The following CDH12 variants were observed in gnomAD, a reference collection of about 807,000 sequenced individuals.
CDH12 encodes the protein cadherin 12, also known as cadherin-12.
Under a neutral mutation model 74.1 loss-of-function variants are expected in CDH12, and 41 were observed. That is an observed-to-expected ratio of 0.55 (90% CI 0.43 to 0.72). CDH12 has a LOEUF of 0.72. Among genes scored for constraint, CDH12 ranks in the 30% least tolerant of loss-of-function variants. The pLI, the probability that CDH12 is intolerant of heterozygous loss-of-function variation, is 0.00. For synonymous variants in CDH12, 399 were observed against 355.0 expected, an observed-to-expected ratio of 1.12 and a Z score of -1.39; for missense variants, 945 against 977.2, an observed-to-expected ratio of 0.97 and a Z score of 0.44.
intron 2 of CDH12, among the ~76,000 whole-genome samples, chr5:22,479,463 T>C (rs1332902684): frequency 2.0e-5 from 3 of 152,176 alleles, no homozygotes; most frequent in African/African-American, 4.8e-5. Context: ...ATGCACTGCA[T>C]AAGAATGTCC....
At position 22,416,718 on chromosome 5, in the gene CDH12, C is replaced by A. The variant is rs866989096; in HGVS notation, c.-427-11367G>T. Reference sequence around the variant, plus strand: ...CCACCCAAAGTAGAAAGAAGCTTACCTTAAAAGGAATTGTAAGTGTGGTTT... The same window carrying A: ...CCACCCAAAGTAGAAAGAAGCTTACATTAAAAGGAATTGTAAGTGTGGTTT... On this transcript the variant is annotated intron_variant, in intron 2 of 14. Transcript: ENST00000382254. 3.3e-5 allele frequency among the ~76,000 whole-genome samples: 5 copies of A among 152,064 alleles called. No homozygotes were observed. In the South Asian group the frequency reaches 1.0e-3, roughly 32 times the overall value.
intron 2 of CDH12, among the ~76,000 whole-genome samples, chr5:22,413,804 A>T (rs1179290255): frequency 6.6e-6 from 1 of 151,800 alleles, no homozygotes; most frequent in Non-Finnish European, 1.5e-5. Flanking sequence ...CAATTTGTTA[A>T]TTTTTCTCAG....
At chr5:22,480,725 A>G (rs767595086) in intron 2 of CDH12, among the ~76,000 whole-genome samples, 6 of 152,162 alleles carry the variant, frequency 3.9e-5, no homozygotes, top group Non-Finnish European at 7.3e-5. Flanking sequence ...TTGCCGATCA[A>G]TAGGACTGCC....
chr5:22,332,068 A>AG (rs1423773003), intron 3 of CDH12, among the ~76,000 whole-genome samples: 1 of 152,178 alleles, frequency 6.6e-6, no homozygotes, highest in Non-Finnish European at 1.5e-5. Context: ...AAGGAGATAG[A>AG]GAAAAAGACA....
At chr5:21,861,579 T>A (rs1042005627) in intron 6 of CDH12, among the ~76,000 whole-genome samples, 1 of 152,122 alleles carries the variant, frequency 6.6e-6, no homozygotes, top group Non-Finnish European at 1.5e-5. Flanking sequence ...AGGCATTTTA[T>A]AAAAGCACAT....
intron 1 of CDH12, among the ~76,000 whole-genome samples, chr5:22,592,961 C>T (rs1198582242): frequency 3.6e-5 from 5 of 139,446 alleles, no homozygotes; most frequent in African/African-American, 1.1e-4. Context: ...ACCCAGGAGG[C>T]GGAGGTTGCA....
intron 1 of CDH12, among the ~76,000 whole-genome samples, chr5:22,603,876 TCCAAAGA>T (rs890239170): frequency 2.6e-5 from 4 of 152,114 alleles, no homozygotes; most frequent in African/African-American, 9.7e-5. Flanking sequence ...GAATTGTTGG[TCCAAAGA>T]GAATTGGCTT....
chr5:21,868,372 A>C (rs961461255), intron 6 of CDH12, among the ~76,000 whole-genome samples: 1 of 152,178 alleles, frequency 6.6e-6, no homozygotes, highest in Non-Finnish European at 1.5e-5. Flanking sequence ...CCCTGAGAGT[A>C]GAGCTGGTCT....
At chr5:22,244,379 C>A (rs1752844261) in intron 3 of CDH12, among the ~76,000 whole-genome samples, 1 of 150,510 alleles carries the variant, frequency 6.6e-6, no homozygotes, top group African/African-American at 2.4e-5. Flanking sequence ...CCTGTAGTCC[C>A]AGCTACTAGG....
intron 3 of CDH12, among the ~76,000 whole-genome samples, chr5:22,226,832 G>T (rs79148637): frequency 0.025 from 3,860 of 152,138 alleles, 69 homozygotes; most frequent in African/African-American, 0.052. Context: ...TTAATTATGT[G>T]AATGCAGGGG....
intron 1 of CDH12, among the ~76,000 whole-genome samples, chr5:22,647,552 C>T (rs140562106): frequency 6.6e-6 from 1 of 151,658 alleles, no homozygotes; most frequent in Non-Finnish European, 1.5e-5. Context: ...TCGCTGTGTC[C>T]TCACTGGTCA....
chr5:22,736,289 T>C (rs7735280), intron 1 of CDH12, among the ~76,000 whole-genome samples: 75,567 of 151,494 alleles, frequency 0.5, 18,850 homozygotes, highest in East Asian at 0.56. Context: ...TTAGTATAAT[T>C]ACATAATTTG....
intron 2 of CDH12, among the ~76,000 whole-genome samples, chr5:22,486,176 A>C (rs1320478437): frequency 6.6e-6 from 1 of 152,166 alleles, no homozygotes; most frequent in Non-Finnish European, 1.5e-5. Context: ...CACTGGCTTC[A>C]TGACAACTCT....
chr5:22,532,359 ATATATATATATATATATATG>A lies in CDH12; in HGVS notation c.-522-27015_-522-26996del, dbSNP rs1303981899. ...TAAATTATATAAATAGGATATATAT[ATATATATATATATATATATG>A]TATGTATCCTATTTTGCTCCTATCC... On this transcript the variant is annotated intron_variant, in intron 1 of 14. Transcript: ENST00000382254. Among the ~76,000 whole-genome samples the A allele has an allele frequency of 3.5e-4, 22 of 62,540 alleles. 1 individual carries two copies. The highest frequency in any genetic ancestry group is 1.1e-3 in the African/African-American group (22 of 19,502). 41.0% of individuals were successfully genotyped at this position (62,540 alleles called of 152,430 possible).
At chr5:21,879,601 A>G (rs1275853540) in intron 6 of CDH12, among the ~76,000 whole-genome samples, 1 of 152,222 alleles carries the variant, frequency 6.6e-6, no homozygotes, top group Non-Finnish European at 1.5e-5. Flanking sequence ...TCATTATACT[A>G]AAAGTATTTT....
rs147292842 is a variant in CDH12 at position 22,379,449 on chromosome 5, G to C, written c.-333+25808C>G. 1.4e-4 allele frequency among the ~76,000 whole-genome samples: 22 copies of C among 152,144 alleles called. No homozygotes were observed. The East Asian group carries it at 4.3e-3, about 29-fold the overall frequency. ...CAAGTCACGTTCCAAGTTACGTATT[G>C]GACAAGAAATAAGCAGGTTGTTCAC... On this transcript the variant is annotated intron_variant, in intron 3 of 14. Coordinates refer to ENST00000382254, the MANE Select transcript of CDH12 (RefSeq NM_004061.5).
intron 1 of CDH12, among the ~76,000 whole-genome samples, chr5:22,714,604 C>A (rs1486406488): frequency 6.6e-6 from 1 of 152,188 alleles, no homozygotes; most frequent in African/African-American, 2.4e-5. Flanking sequence ...TTAATTCTAA[C>A]TTAAAACTGG....
At position 22,055,123 on chromosome 5, in the gene CDH12, C is replaced by T. The variant is rs113421500; in HGVS notation, c.231+23323G>A. On this transcript the variant is annotated intron_variant, in intron 5 of 14. Transcript: ENST00000382254. The stretch of plus-strand genomic sequence containing the variant: ...GCATCTTCCTTTGCATCAGGAGGAG[C>T]AGCTCTAGCCTTGGAAAATTAGTAG... Among the ~76,000 whole-genome samples the T allele has an allele frequency of 1.4e-3, 216 of 152,272 alleles. 2 individuals carry two copies. Among genetic ancestry groups the T allele is most frequent in the African/African-American group, 4.9e-3 (203 of 41,544 alleles).
chr5:22,146,575 C>T (rs1181458512), intron 4 of CDH12, among the ~76,000 whole-genome samples: 3 of 152,058 alleles, frequency 2.0e-5, no homozygotes, highest in Admixed American at 2.0e-4. Context: ...AACTGTAGAC[C>T]TTTAGCTACC....
Sources: allele counts gnomAD v4.1 joint callset (sites outside exome capture counted in the v4.1 genomes callset), GRCh38; gene constraint gnomAD v4.1.1; transcripts MANE v1.5; gene names NCBI Gene and HGNC (gene_info 2026-07-23, HGNC 2026-07-21).